LDLRAD4: variants seen among roughly 807,000 people sequenced by gnomAD.
LDLRAD4 encodes low-density lipoprotein receptor class A domain-containing protein 4.
Under a neutral mutation model 17.0 loss-of-function variants are expected in LDLRAD4, and 5 were observed. The observed-to-expected ratio is 0.29, with a 90% CI of 0.15 to 0.62. The LOEUF (loss-of-function observed/expected upper bound fraction) is 0.62. Ranked by LOEUF, LDLRAD4 falls within the 20% of genes least tolerant of loss-of-function variation. The probability of loss-of-function intolerance (pLI) is 0.84; values close to 1 mark genes in which losing one functional copy is unlikely to be tolerated. For synonymous variants in LDLRAD4, 168 were observed against 171.8 expected, an observed-to-expected ratio of 0.98 and a Z score of 0.17; for missense variants, 340 against 424.7, an observed-to-expected ratio of 0.80 and a Z score of 1.75.
At chr18:13,610,006 G>A (rs77625759) in intron 3 of LDLRAD4, among the ~76,000 whole-genome samples, 4,349 of 152,112 alleles carry the variant, frequency 0.029, 128 homozygotes, top group African/African-American at 0.076. Context: ...AAAAGAAAAA[G>A]ATTGGCTCCC....
chr18:13,289,132 G>A (rs879729079), intron 1 of LDLRAD4, among the ~76,000 whole-genome samples: 27 of 152,214 alleles, frequency 1.8e-4, no homozygotes, highest in Non-Finnish European at 3.1e-4. Context: ...TTTTCCACAT[G>A]GCTGTAAAGG....
chr18:13,494,564 G>C (rs963566090), intron 3 of LDLRAD4, among the ~76,000 whole-genome samples: 9 of 149,130 alleles, frequency 6.0e-5, no homozygotes, highest in Non-Finnish European at 8.9e-5. Flanking sequence ...TGTAATTGCT[G>C]CAGTTTGGAA....
chr18:13,316,864 A>G (rs1186172997), intron 1 of LDLRAD4, among the ~76,000 whole-genome samples: 2 of 152,234 alleles, frequency 1.3e-5, no homozygotes, highest in African/African-American at 4.8e-5. Flanking sequence ...GAAGGGAGAG[A>G]TGTACAAACC....
chr18:13,559,793 C>G (rs936587766), intron 3 of LDLRAD4, among the ~76,000 whole-genome samples: 2 of 152,214 alleles, frequency 1.3e-5, no homozygotes, highest in African/African-American at 4.8e-5. Flanking sequence ...CTGCCCCTCT[C>G]CTGGACTCAG....
intron 1 of LDLRAD4, among the ~76,000 whole-genome samples, chr18:13,313,729 G>A (rs766246878): frequency 2.6e-5 from 4 of 152,106 alleles, no homozygotes; most frequent in African/African-American, 4.8e-5. Context: ...TGAAATCATA[G>A]GGACTTTGAG....
At chr18:13,247,444 TC>T (rs1262231473) in intron 1 of LDLRAD4, among the ~76,000 whole-genome samples, 3 of 152,358 alleles carry the variant, frequency 2.0e-5, no homozygotes, top group African/African-American at 7.2e-5. Flanking sequence ...CTTCTTCTGT[TC>T]CCAGGTGCAG....
exon 6 of LDLRAD4, chr18:13,652,085 A>G (rs1404112215): frequency 6.6e-6 from 1 of 152,178 alleles, no homozygotes; most frequent in Non-Finnish European, 1.5e-5. Context: ...ATTCATCATT[A>G]AGAACTGAGG....
intron 3 of LDLRAD4, among the ~76,000 whole-genome samples, chr18:13,584,953 C>T (rs1175677500): frequency 1.3e-5 from 2 of 152,220 alleles, no homozygotes; most frequent in Non-Finnish European, 2.9e-5. Flanking sequence ...TGTCCTTATC[C>T]TTCGGTTCCA....
At chr18:13,488,535 C>G (rs2093286700) in intron 3 of LDLRAD4, 1 of 152,248 alleles carries the variant, frequency 6.6e-6, no homozygotes, top group Non-Finnish European at 1.5e-5. Flanking sequence ...TGCCTGTGCC[C>G]CAGGCAGCCC....
chr18:13,461,422 G>A (rs2092423974), intron 3 of LDLRAD4: 1 of 152,250 alleles, frequency 6.6e-6, no homozygotes, highest in African/African-American at 2.4e-5. Context: ...ATTGAAGAAG[G>A]AGAGTGTGTG....
At chr18:13,425,823 C>T (rs1458726515) in intron 2 of LDLRAD4, 10 of 152,480 alleles carry the variant, frequency 6.6e-5, no homozygotes, top group African/African-American at 2.4e-4. Flanking sequence ...GCGATGGCAT[C>T]AGTGAATGAG....
At chr18:13,234,913 A>T (rs2042260109) in intron 1 of LDLRAD4, 1 of 152,144 alleles carries the variant, frequency 6.6e-6, no homozygotes, top group African/African-American at 2.4e-5. Context: ...TGGATAAATT[A>T]GTTATTTATT....
exon 6 of LDLRAD4, chr18:13,649,141 A>C (rs1036571382): frequency 6.6e-6 from 1 of 152,212 alleles, no homozygotes; most frequent in East Asian, 1.9e-4. Context: ...ATTTTGGCTC[A>C]AACTTATGAG....
At chr18:13,328,588 C>A (rs376783172) in intron 1 of LDLRAD4, among the ~76,000 whole-genome samples, 2 of 152,182 alleles carry the variant, frequency 1.3e-5, no homozygotes, top group Non-Finnish European at 2.9e-5. Flanking sequence ...ATGTCCTTAT[C>A]CCATGTAGAA....
intron 1 of LDLRAD4, among the ~76,000 whole-genome samples, chr18:13,237,417 G>A (rs2042390447): frequency 1.3e-5 from 2 of 152,176 alleles, no homozygotes; most frequent in African/African-American, 4.8e-5. Context: ...CATATACTTA[G>A]TACCAAGGAA....
At chr18:13,525,997 T>G (rs2094025804) in intron 3 of LDLRAD4, 2 of 152,220 alleles carry the variant, frequency 1.3e-5, no homozygotes, top group African/African-American at 4.8e-5. Flanking sequence ...GAATACTTTT[T>G]AGGTATTAAT....
chr18:13,536,064 A>G (rs1434562909), intron 3 of LDLRAD4, among the ~76,000 whole-genome samples: 2 of 152,142 alleles, frequency 1.3e-5, no homozygotes, highest in Non-Finnish European at 2.9e-5. Flanking sequence ...GATTAATAGG[A>G]ACTCTTGAAT....
chr18:13,485,920 A>G (rs1600731730), intron 3 of LDLRAD4, among the ~76,000 whole-genome samples: 1 of 152,254 alleles, frequency 6.6e-6, no homozygotes. Flanking sequence ...CACTACAAAA[A>G]ATAGGAATAG....
chr18:13,601,999 C>T (rs1786526), intron 3 of LDLRAD4, among the ~76,000 whole-genome samples: 56,861 of 152,168 alleles, frequency 0.37, 10,850 homozygotes, highest in Non-Finnish European at 0.42. Context: ...AAATCATGTC[C>T]TTTGCAGAAA....
Sources: gnomAD v4.1 joint callset for allele counts (sites outside exome capture counted in the v4.1 genomes callset) on GRCh38, gnomAD v4.1.1 for gene constraint, MANE v1.5 for transcripts, NCBI Gene and HGNC (gene_info 2026-07-23, HGNC 2026-07-21) for gene names.